The following CSMD1 variants were observed in gnomAD, a reference collection of about 807,000 sequenced individuals.
CSMD1 encodes CUB and Sushi multiple domains 1, also known as CUB and sushi domain-containing protein 1.
Under a neutral mutation model 417.5 loss-of-function variants are expected in CSMD1, and 213 were observed. The observed-to-expected ratio is 0.51, with a 90% confidence interval of 0.46 to 0.57. The LOEUF (loss-of-function observed/expected upper bound fraction) is 0.57. CSMD1 is among the 20% of genes least tolerant of loss of function. The pLI is 0.00. For missense variants in CSMD1, 6,923 were observed against 4,529.7 expected, an observed-to-expected ratio of 1.53 and a Z score of -15.17; for synonymous variants, 2,862 against 1,736.8, an observed-to-expected ratio of 1.65 and a Z score of -16.11.
At chr8:4,287,347 T>C (rs1797115277) in intron 3 of CSMD1, among the ~76,000 whole-genome samples, 1 of 152,216 alleles carries the variant, frequency 6.6e-6, no homozygotes, top group Admixed American at 6.5e-5. Flanking sequence ...AATGATACTT[T>C]TTAAGAAAGC....
At chr8:4,191,563 G>C (rs1054796848) in intron 3 of CSMD1, among the ~76,000 whole-genome samples, 2 of 152,054 alleles carry the variant, frequency 1.3e-5, no homozygotes, top group Admixed American at 6.6e-5. Flanking sequence ...GAAAATGCTT[G>C]TACTTCATCC....
intron 49 of CSMD1, among the ~76,000 whole-genome samples, chr8:3,064,325 G>A (rs1812778422): frequency 6.6e-6 from 1 of 152,142 alleles, no homozygotes; most frequent in Non-Finnish European, 1.5e-5. Context: ...GATGGTGAGT[G>A]AGTTCTCAGG....
intron 5 of CSMD1, among the ~76,000 whole-genome samples, chr8:3,772,632 TATTTATATAC>T (rs796726608): frequency 9.5e-6 from 1 of 105,146 alleles, no homozygotes; most frequent in Non-Finnish European, 1.8e-5. Context: ...TATACACATA[TATTTATATAC>T]ATATATACAT....
At chr8:4,760,864 C>T (rs1274964315) in intron 1 of CSMD1, among the ~76,000 whole-genome samples, 1 of 152,132 alleles carries the variant, frequency 6.6e-6, no homozygotes, top group Non-Finnish European at 1.5e-5. Flanking sequence ...CTGTAATATA[C>T]AACTCATGTC....
chr8:4,487,968 A>G (rs894270960), intron 2 of CSMD1, among the ~76,000 whole-genome samples: 2 of 152,210 alleles, frequency 1.3e-5, no homozygotes, highest in African/African-American at 2.4e-5. Flanking sequence ...TCCGAAATGT[A>G]TATGTGAAAA....
At chr8:3,952,284 G>C (rs543695121) in intron 5 of CSMD1, among the ~76,000 whole-genome samples, 11 of 152,266 alleles carry the variant, frequency 7.2e-5, no homozygotes, top group African/African-American at 2.6e-4. Flanking sequence ...AATACTTCTA[G>C]AGGCTACGCG....
intron 1 of CSMD1, among the ~76,000 whole-genome samples, chr8:4,707,309 G>C (rs1320726755): frequency 6.6e-6 from 1 of 152,128 alleles, no homozygotes; most frequent in Non-Finnish European, 1.5e-5. Flanking sequence ...GCTTGGAGAA[G>C]TTAAATTAAT....
intron 2 of CSMD1, among the ~76,000 whole-genome samples, chr8:4,552,167 T>A (rs1445538096): frequency 1.3e-5 from 2 of 152,198 alleles, no homozygotes; most frequent in East Asian, 1.9e-4. Context: ...AAACATCATT[T>A]GTTTTTTAAT....
chr8:4,848,582 A>G (rs1801283909), intron 1 of CSMD1, among the ~76,000 whole-genome samples: 1 of 150,848 alleles, frequency 6.6e-6, no homozygotes, highest in East Asian at 1.9e-4. Context: ...TCTGTCACCC[A>G]GGCCTGCGGT....
At chr8:4,865,420 A>G (rs192829644) in intron 1 of CSMD1, among the ~76,000 whole-genome samples, 3 of 151,844 alleles carry the variant, frequency 2.0e-5, no homozygotes, top group African/African-American at 2.4e-5. Context: ...CACAGCTTCA[A>G]TAGGTTGTCA....
chr8:2,954,379 C>T (rs1401993068), intron 64 of CSMD1, 111 bp from the exon 65 acceptor site: 4 of 614,224 alleles, frequency 6.5e-6, no homozygotes, highest in South Asian at 2.1e-5. Flanking sequence ...TTTTAATGTA[C>T]AAAATATGAA....
intron 1 of CSMD1, among the ~76,000 whole-genome samples, chr8:4,917,872 G>A (rs117251990): frequency 1.7e-3 from 262 of 152,240 alleles, no homozygotes; most frequent in Non-Finnish European, 2.5e-3. Flanking sequence ...TTTGAGATGG[G>A]CCTGGAAGGC....
chr8:4,511,606 G>A (rs1397657440), intron 2 of CSMD1, among the ~76,000 whole-genome samples: 3 of 152,138 alleles, frequency 2.0e-5, no homozygotes, highest in Non-Finnish European at 4.4e-5. Flanking sequence ...CAAGATTGGA[G>A]ACACATACAG....
At chr8:4,930,530 G>C (rs970718913) in intron 1 of CSMD1, among the ~76,000 whole-genome samples, 8 of 152,138 alleles carry the variant, frequency 5.3e-5, no homozygotes, top group Admixed American at 4.6e-4. Flanking sequence ...AGCTGAGTAA[G>C]CCAATTCCTT....
chr8:3,237,146 C>A (rs893198662), intron 26 of CSMD1, among the ~76,000 whole-genome samples: 1 of 151,676 alleles, frequency 6.6e-6, no homozygotes, highest in Non-Finnish European at 1.5e-5. Context: ...CTTTTTGCAA[C>A]TAGATAAGAG....
intron 1 of CSMD1, among the ~76,000 whole-genome samples, chr8:4,746,425 T>C (rs1810955831): frequency 6.6e-6 from 1 of 152,214 alleles, no homozygotes; most frequent in South Asian, 2.1e-4. Flanking sequence ...CATTTTCTTC[T>C]TGCGAATGGA....
At chr8:3,881,632 A>T (rs548944736) in intron 5 of CSMD1, among the ~76,000 whole-genome samples, 24 of 87,756 alleles carry the variant, frequency 2.7e-4, no homozygotes, top group African/African-American at 1.6e-3. Context: ...ACAAAAACAA[A>T]AACAAACAAA....
intron 5 of CSMD1, among the ~76,000 whole-genome samples, chr8:3,946,175 C>G (rs974507551): frequency 5.3e-5 from 8 of 152,048 alleles, no homozygotes; most frequent in Admixed American, 5.2e-4. Flanking sequence ...AAGATTATTA[C>G]AAAGAATAAA....
At chr8:3,502,893 A>G (rs775434085) in intron 10 of CSMD1, among the ~76,000 whole-genome samples, 19 of 152,176 alleles carry the variant, frequency 1.2e-4, no homozygotes, top group Admixed American at 1.2e-3. Flanking sequence ...TTCATCATGC[A>G]TGAACAGCAT....
Sources: allele counts gnomAD v4.1 joint callset (sites outside exome capture counted in the v4.1 genomes callset), GRCh38; gene constraint gnomAD v4.1.1; transcripts MANE v1.5; gene names NCBI Gene and HGNC (gene_info 2026-07-23, HGNC 2026-07-21).